Variants in DGKH observed in about 807,000 individuals in gnomAD.
The protein encoded by DGKH is diacylglycerol kinase eta, also known as DAG kinase eta.
In DGKH, 90 loss-of-function variants were observed where a neutral mutation model predicts 159.3. The observed-to-expected ratio is 0.57, with a 90% CI of 0.48 to 0.67. The LOEUF (loss-of-function observed/expected upper bound fraction) is 0.67. Among genes scored for constraint, DGKH ranks in the 30% least tolerant of loss-of-function variants. The probability of loss-of-function intolerance (pLI) is 0.00; values close to 1 mark genes in which losing one functional copy is unlikely to be tolerated. For synonymous variants in DGKH, 536 were observed against 553.8 expected, an observed-to-expected ratio of 0.97 and a Z score of 0.45; for missense variants, 1,181 against 1,506.1, an observed-to-expected ratio of 0.78 and a Z score of 3.57.
chr13:42,222,846 CAT>C (rs1371546166), intron 29 of DGKH, among the ~76,000 whole-genome samples: 3 of 151,806 alleles, frequency 2.0e-5, no homozygotes, highest in African/African-American at 7.3e-5. Flanking sequence ...TACATACAAA[CAT>C]AGATATATAC....
intron 25 of DGKH, among the ~76,000 whole-genome samples, chr13:42,214,813 A>AT (rs947186279): frequency 6.6e-6 from 1 of 151,776 alleles, no homozygotes; most frequent in Admixed American, 6.6e-5. Context: ...AAATTCTCTC[A>AT]TTTTTTATGT....
chr13:42,246,805 G>T (rs1036038648), downstream of DGKH, among the ~76,000 whole-genome samples: 1 of 152,176 alleles, frequency 6.6e-6, no homozygotes, highest in African/African-American at 2.4e-5. Context: ...AAATGAAAGT[G>T]ATCTGAGATC....
At chr13:42,186,012 TGTGTGTG>T (rs1325824183) in intron 13 of DGKH, among the ~76,000 whole-genome samples, 1 of 45,034 alleles carries the variant, frequency 2.2e-5, no homozygotes, top group African/African-American at 1.8e-4. Context: ...GTGGTGGTGG[TGTGTGTG>T]TGTGTGTGTG....
chr13:42,099,800 G>A (rs1954619898), intron 1 of DGKH, among the ~76,000 whole-genome samples: 1 of 152,186 alleles, frequency 6.6e-6, no homozygotes, highest in Non-Finnish European at 1.5e-5. Context: ...AGATGATGGA[G>A]TTGGGGACTT....
intron 11 of DGKH, among the ~76,000 whole-genome samples, chr13:42,171,607 T>C (rs1403812719): frequency 6.6e-6 from 1 of 152,234 alleles, no homozygotes; most frequent in African/African-American, 2.4e-5. Flanking sequence ...TATAAGGAAC[T>C]TGACTTTTAT....
At chr13:42,168,324 T>A (rs1594132826) in intron 9 of DGKH, 116 bp from the exon 10 acceptor site, 1 of 806,936 alleles carries the variant, frequency 1.2e-6, no homozygotes, top group Middle Eastern at 3.8e-4. Context: ...ATAATTAACA[T>A]GTAAGTAGGA....
upstream of DGKH, among the ~76,000 whole-genome samples, chr13:42,046,876 G>A (rs1026191267): frequency 1.3e-5 from 2 of 152,196 alleles, no homozygotes; most frequent in South Asian, 4.1e-4. Context: ...TTACATTAAA[G>A]GAGAAGACTA....
chr13:42,183,046 T>C (rs997943527), intron 13 of DGKH, among the ~76,000 whole-genome samples: 1 of 152,142 alleles, frequency 6.6e-6, no homozygotes, highest in Non-Finnish European at 1.5e-5. Context: ...CTCAACACTT[T>C]GGGAGGCCAA....
At chr13:42,161,893 A>G (rs1956191461) in intron 7 of DGKH, among the ~76,000 whole-genome samples, 1 of 152,066 alleles carries the variant, frequency 6.6e-6, no homozygotes, top group African/African-American at 2.4e-5. Context: ...CTTTACTTTA[A>G]AAAAAAATCA....
chr13:42,060,158 G>C (rs565343964), intron 1 of DGKH, among the ~76,000 whole-genome samples: 1 of 119,564 alleles, frequency 8.4e-6, no homozygotes, highest in East Asian at 3.3e-4. Context: ...CACCGGCCTC[G>C]GCCTCCCAAA....
chr13:42,220,247 G>A (rs1481342336), intron 28 of DGKH, among the ~76,000 whole-genome samples: 1 of 152,106 alleles, frequency 6.6e-6, no homozygotes, highest in Non-Finnish European at 1.5e-5. Flanking sequence ...TTAACTTGCC[G>A]ATTACATTTT....
chr13:42,097,889 T>C (rs1022245113), intron 1 of DGKH, among the ~76,000 whole-genome samples: 3 of 152,194 alleles, frequency 2.0e-5, no homozygotes, highest in Non-Finnish European at 4.4e-5. Context: ...CAGAGGTACA[T>C]GGTACTGCCA....
chr13:42,107,457 G>T (rs1337776802), intron 1 of DGKH, among the ~76,000 whole-genome samples: 2 of 152,220 alleles, frequency 1.3e-5, no homozygotes, highest in Non-Finnish European at 2.9e-5. Context: ...GCTTTGCCTT[G>T]TTCTGTAGTT....
chr13:42,176,853 G>C (rs969670040), intron 12 of DGKH, among the ~76,000 whole-genome samples: 2 of 152,112 alleles, frequency 1.3e-5, no homozygotes, highest in African/African-American at 4.8e-5. Flanking sequence ...TTGATGTAAG[G>C]CTCTGAATAT....
intron 24 of DGKH, among the ~76,000 whole-genome samples, chr13:42,211,295 T>A (rs922711927): frequency 6.6e-6 from 1 of 152,096 alleles, no homozygotes; most frequent in African/African-American, 2.4e-5. Flanking sequence ...TTCAATAGGG[T>A]GTGTGAAGAT....
At position 42,234,140 on chromosome 13, in the gene DGKH, AATTTT is replaced by A. The variant is rs1013384562; in HGVS notation, c.*4955_*4959del. 3 of 18,248 alleles carry A rather than the reference AATTTT, an allele frequency of 1.6e-4. No individual in the cohort carries two copies. Among genetic ancestry groups the A allele is most frequent in the Admixed American group, 9.8e-4 (1 of 1,022 alleles). The allele number at this position is 18,248 out of a possible 1,614,324, so 1.1% of individuals were successfully genotyped here. On this transcript the variant is annotated 3_prime_UTR_variant, in exon 30 of 30. Transcript: ENST00000337343. Reference sequence around the variant, plus strand: ...TTGACCCCCAAATAACAGTTTACTTAATTTTATAAGATTTTTCCCAATGAGACTTA... The same window carrying A: ...TTGACCCCCAAATAACAGTTTACTTAATAAGATTTTTCCCAATGAGACTTA...
In DGKH at chr13:42,198,504, A is replaced by G. The variant is rs1957261661; in HGVS notation, c.2194A>G (p.Ile732Val). ...TTTAAGAGCAGGACTGGCTGCCTCA[A>G]TTGCTGGGAGTTCGATTATCAACAA... ...PGLRAGLAAS[I>V]AGSSIINKML... The change falls in exon 18 of 30, where the codon ATT (isoleucine) becomes GTT (valine). Residue 732 changes from isoleucine (I) to valine (V), a missense_variant. By Grantham distance (29) the Ile-to-Val change is conservative. Transcript: ENST00000337343. The G allele has an allele frequency of 1.2e-6, 2 of 1,613,826 alleles. 1 individual carries two copies. The highest frequency in any genetic ancestry group is 2.2e-5 in the South Asian group (2 of 91,052).
rs1555270277 is a variant in DGKH, at chr13:42,173,983, G to GTGCA, written c.1368-77_1368-76insTGCA. The GTGCA allele has an allele frequency of 5.1e-4, 427 of 834,238 alleles. 2 individuals carry two copies. The highest frequency in any genetic ancestry group is 7.5e-4 in the Non-Finnish European group (390 of 520,224). 51.7% of individuals were successfully genotyped at this position (834,238 alleles called of 1,614,324 possible). A position where few individuals can be genotyped will look rare whatever the true frequency, so the allele number is the denominator to read the frequency against. On this transcript the variant is annotated intron_variant, in intron 11 of 29. Transcript: ENST00000337343. ...TGCGTGCGTGTGTGTGTGTGTGTGT[G>GTGCA]CGCGTTTATGAGATGCTAACAGTTA...
intron 1 of DGKH, among the ~76,000 whole-genome samples, chr13:42,125,255 C>T (rs891855314): frequency 3.9e-5 from 6 of 152,200 alleles, no homozygotes; most frequent in African/African-American, 1.4e-4. Context: ...CACTTATTTA[C>T]TTCTTACAAG....
Sources: allele counts gnomAD v4.1 joint callset (sites outside exome capture counted in the v4.1 genomes callset), GRCh38; gene constraint gnomAD v4.1.1; transcripts MANE v1.5; gene names NCBI Gene and HGNC (gene_info 2026-07-23, HGNC 2026-07-21).